The following TRMT11 variants were observed in gnomAD, a reference collection of about 807,000 sequenced individuals.
The protein encoded by TRMT11 is tRNA (guanine(10)-N(2))-methyltransferase TRMT11.
A neutral mutation model predicts 62.8 loss-of-function variants in TRMT11; 53 were observed. That is an observed-to-expected ratio of 0.84 (90% CI 0.68 to 1.06). The LOEUF is 1.06. TRMT11 is among the 50% of genes least tolerant of loss of function. The pLI is 0.00. For missense variants in TRMT11, 556 were observed against 553.4 expected (o/e 1.00, Z -0.05); for synonymous variants, 188 against 190.3 (o/e 0.99, Z 0.10).
the TRMT11 span, among the ~76,000 whole-genome samples, chr6:126,225,118 C>G: frequency 7.2e-5 from 11 of 152,252 alleles, 1 homozygote; most frequent in Admixed American, 2.0e-4. Flanking sequence ...CAAAGCTACC[C>G]CAAAGGAGCA....
chr6:126,205,451 C>T (rs1405814538), downstream of TRMT11, among the ~76,000 whole-genome samples: 5 of 152,206 alleles, frequency 3.3e-5, no homozygotes, highest in Admixed American at 1.3e-4. Flanking sequence ...TTGCAGTGAG[C>T]TGAGCTCGTG....
At chr6:126,248,164 G>A in the TRMT11 span, among the ~76,000 whole-genome samples, 1 of 152,116 alleles carries the variant, frequency 6.6e-6, no homozygotes, top group Admixed American at 6.6e-5. Flanking sequence ...TATAGAAAAT[G>A]TTACTACTCA....
chr6:126,245,192 G>A, the TRMT11 span, among the ~76,000 whole-genome samples: 4 of 152,282 alleles, frequency 2.6e-5, no homozygotes, highest in Non-Finnish European at 4.4e-5. Context: ...AAATTGGGTG[G>A]ACCCATGAAT....
intron 7 of TRMT11, among the ~76,000 whole-genome samples, chr6:126,002,345 T>C (rs1357330292): frequency 1.3e-5 from 2 of 152,188 alleles, no homozygotes; most frequent in African/African-American, 4.8e-5. Flanking sequence ...GATTTCCTTT[T>C]GACTACCCTA....
intron 12 of TRMT11, among the ~76,000 whole-genome samples, chr6:126,023,596 C>T (rs548110219): frequency 1.1e-4 from 17 of 152,148 alleles, no homozygotes; most frequent in Middle Eastern, 3.4e-3. Context: ...TGCAGTGAGC[C>T]GAGATTGCAT....
At chr6:126,198,056 A>G (rs982057778) in intron 1 of TRMT11, among the ~76,000 whole-genome samples, 3 of 152,210 alleles carry the variant, frequency 2.0e-5, no homozygotes, top group African/African-American at 4.8e-5. Context: ...ACAGCTTAAT[A>G]AAGTAGAATG....
At chr6:126,063,395 A>G (rs1313361122) in intron 17 of TRMT11, among the ~76,000 whole-genome samples, 1 of 152,262 alleles carries the variant, frequency 6.6e-6, no homozygotes, top group African/African-American at 2.4e-5. Context: ...AATGTGGGAA[A>G]AGTCTTACTA....
At chr6:126,112,305 T>G (rs1225286359) in intron 17 of TRMT11, among the ~76,000 whole-genome samples, 1 of 152,186 alleles carries the variant, frequency 6.6e-6, no homozygotes, top group African/African-American at 2.4e-5. Flanking sequence ...TGTGCTAACA[T>G]CTACTAGGAA....
chr6:126,088,394 A>T (rs1251804309), intron 17 of TRMT11, among the ~76,000 whole-genome samples: 5 of 152,232 alleles, frequency 3.3e-5, no homozygotes, highest in African/African-American at 1.2e-4. Flanking sequence ...AGAACTAAAA[A>T]AAATACAGAT....
intron 17 of TRMT11, among the ~76,000 whole-genome samples, chr6:126,110,061 AG>A (rs1777513155): frequency 6.6e-6 from 1 of 152,184 alleles, no homozygotes; most frequent in East Asian, 1.9e-4. Context: ...GCGGAGAAGC[AG>A]GGCACAGTGT....
At chr6:126,119,040 G>C (rs1777618971) in intron 21 of TRMT11, among the ~76,000 whole-genome samples, 1 of 152,004 alleles carries the variant, frequency 6.6e-6, no homozygotes, top group Non-Finnish European at 1.5e-5. Context: ...TATTTCCATA[G>C]AGATCTGGAT....
At chr6:126,066,460 G>T (rs1450398434) in intron 17 of TRMT11, among the ~76,000 whole-genome samples, 1 of 152,136 alleles carries the variant, frequency 6.6e-6, no homozygotes, top group Admixed American at 6.5e-5. Flanking sequence ...GGCCTTTCTT[G>T]GTGCATGTAT....
At chr6:126,241,210 A>G in the TRMT11 span, among the ~76,000 whole-genome samples, 1 of 152,166 alleles carries the variant, frequency 6.6e-6, no homozygotes, top group South Asian at 2.1e-4. Context: ...TGCTGCACCC[A>G]CTGTCTGACA....
the TRMT11 span, among the ~76,000 whole-genome samples, chr6:126,237,043 T>A: frequency 7.3e-5 from 11 of 151,424 alleles, no homozygotes; most frequent in African/African-American, 2.4e-4. Context: ...TAAACCTTTC[T>A]AGGTACTTGA....
intron 21 of TRMT11, among the ~76,000 whole-genome samples, chr6:126,152,134 G>A (rs368030188): frequency 8.0e-5 from 12 of 150,914 alleles, no homozygotes; most frequent in South Asian, 2.1e-4. Context: ...GATTGGGTAA[G>A]TATGGTAGTG....
intron 17 of TRMT11, among the ~76,000 whole-genome samples, chr6:126,076,989 T>A (rs548364245): frequency 4.6e-5 from 7 of 152,306 alleles, no homozygotes; most frequent in Admixed American, 1.3e-4. Flanking sequence ...AAAGTCAATC[T>A]GAGTAATGTT....
chr6:126,241,819 A>G, the TRMT11 span, among the ~76,000 whole-genome samples: 13,130 of 150,764 alleles, frequency 0.087, 1,852 homozygotes, highest in African/African-American at 0.3. Context: ...CTATTCATGG[A>G]CAATATCATA....
the TRMT11 span, among the ~76,000 whole-genome samples, chr6:126,223,752 T>A: frequency 1.3e-5 from 2 of 152,198 alleles, no homozygotes; most frequent in Non-Finnish European, 2.9e-5. Flanking sequence ...CTCAAGTATG[T>A]TTTCCAAGTT....
At chr6:126,112,653 A>G (rs1412751571) in intron 17 of TRMT11, among the ~76,000 whole-genome samples, 1 of 152,150 alleles carries the variant, frequency 6.6e-6, no homozygotes, top group Non-Finnish European at 1.5e-5. Flanking sequence ...TGTGAAACTT[A>G]TTAATTATCC....
Sources: gnomAD v4.1 joint callset for allele counts (sites outside exome capture counted in the v4.1 genomes callset) on GRCh38, gnomAD v4.1.1 for gene constraint, MANE v1.5 for transcripts, NCBI Gene and HGNC (gene_info 2026-07-23, HGNC 2026-07-21) for gene names.